TMEM71: variants seen among roughly 807,000 people sequenced by gnomAD.
The protein encoded by TMEM71 is transmembrane protein 71.
In TMEM71, 44 loss-of-function variants were observed where a neutral mutation model predicts 38.0. That is an observed-to-expected ratio of 1.16 (90% CI 0.91 to 1.49). The LOEUF (loss-of-function observed/expected upper bound fraction) is 1.49. Among genes scored for constraint, TMEM71 ranks in the 40% most tolerant of loss-of-function variants. The pLI is 0.00. For synonymous variants in TMEM71, 133 were observed against 122.5 expected, an observed-to-expected ratio of 1.09 and a Z score of -0.56; for missense variants, 367 against 348.6, an observed-to-expected ratio of 1.05 and a Z score of -0.42.
chr8:132,719,929 G>C (rs140708445), intron 7 of TMEM71, among the ~76,000 whole-genome samples: 1 of 152,074 alleles, frequency 6.6e-6, no homozygotes, highest in Non-Finnish European at 1.5e-5. Context: ...TAGTCATTGC[G>C]TCTGCTAGGC....
intron 5 of TMEM71, 58 bp from the exon 6 acceptor site, chr8:132,728,044 G>T: frequency 8.4e-7 from 1 of 1,186,802 alleles, no homozygotes; most frequent in Non-Finnish European, 1.2e-6. Flanking sequence ...GTGTGTGTGT[G>T]TGTGTTCAGT....
intron 6 of TMEM71, among the ~76,000 whole-genome samples, chr8:132,726,854 CTT>C (rs138185825): frequency 1.7e-4 from 24 of 139,898 alleles, no homozygotes; most frequent in Admixed American, 1.4e-4. Context: ...TCTTCTTCTT[CTT>C]TTTTTTTTTT....
At chr8:132,715,357 C>T (rs1368776942) in intron 7 of TMEM71, among the ~76,000 whole-genome samples, 2 of 138,730 alleles carry the variant, frequency 1.4e-5, no homozygotes, top group Non-Finnish European at 1.5e-5. Flanking sequence ...TTGCAGTGAG[C>T]CGAGGTCACG....
the TMEM71 span, among the ~76,000 whole-genome samples, chr8:132,774,536 C>T: frequency 6.6e-6 from 1 of 152,222 alleles, no homozygotes; most frequent in Non-Finnish European, 1.5e-5. Context: ...TTTAACTCCA[C>T]ACTATGAAGC....
chr8:132,726,022 CT>C (rs1374739670), intron 6 of TMEM71, among the ~76,000 whole-genome samples: 2 of 152,166 alleles, frequency 1.3e-5, no homozygotes, highest in Non-Finnish European at 2.9e-5. Context: ...ATCTCTGTGC[CT>C]ATGTGGGCAT....
intron 5 of TMEM71, among the ~76,000 whole-genome samples, chr8:132,736,669 A>C (rs1827765178): frequency 6.6e-6 from 1 of 152,126 alleles, no homozygotes; most frequent in African/African-American, 2.4e-5. Context: ...ATCTCAACTG[A>C]AAATGCAAAA....
intron 5 of TMEM71, among the ~76,000 whole-genome samples, chr8:132,739,786 G>C (rs562582084): frequency 3.3e-5 from 5 of 152,182 alleles, no homozygotes; most frequent in Non-Finnish European, 7.3e-5. Flanking sequence ...GACAAAATGT[G>C]AAGTGCTCAG....
At chr8:132,766,548 C>T in the TMEM71 span, among the ~76,000 whole-genome samples, 1 of 152,014 alleles carries the variant, frequency 6.6e-6, no homozygotes, top group Non-Finnish European at 1.5e-5. Flanking sequence ...GCCTACAATC[C>T]CAGCATCTTG....
At chr8:132,726,508 T>C (rs868173658) in intron 6 of TMEM71, among the ~76,000 whole-genome samples, 5 of 152,212 alleles carry the variant, frequency 3.3e-5, no homozygotes. Flanking sequence ...ATGAGTTATT[T>C]TAGTCATGAC....
chr8:132,739,705 C>T (rs1827938482), intron 5 of TMEM71, among the ~76,000 whole-genome samples: 1 of 152,078 alleles, frequency 6.6e-6, no homozygotes, highest in Non-Finnish European at 1.5e-5. Flanking sequence ...GATAATATGA[C>T]CTACTTCTTA....
chr8:132,723,093 G>T (rs1166045590), intron 6 of TMEM71, among the ~76,000 whole-genome samples: 1 of 152,192 alleles, frequency 6.6e-6, no homozygotes, highest in Non-Finnish European at 1.5e-5. Context: ...GATTGAGTCA[G>T]CTAACAAAAC....
At chr8:132,707,039 C>T (rs993212339), downstream of TMEM71, among the ~76,000 whole-genome samples, 4 of 152,222 alleles carry the variant, frequency 2.6e-5, no homozygotes, top group South Asian at 4.1e-4. Flanking sequence ...TTACCACAGA[C>T]ATGCGATCAG....
At chr8:132,739,462 C>T (rs1827924144) in intron 5 of TMEM71, among the ~76,000 whole-genome samples, 2 of 152,276 alleles carry the variant, frequency 1.3e-5, no homozygotes, top group East Asian at 3.9e-4. Flanking sequence ...CAGGTGCCCG[C>T]CACCATGCCC....
chr8:132,734,357 A>T (rs1445157103), intron 5 of TMEM71, among the ~76,000 whole-genome samples: 2 of 152,316 alleles, frequency 1.3e-5, no homozygotes, highest in Admixed American at 6.5e-5. Flanking sequence ...AGCTGTTAAA[A>T]AAAAGAGGAG....
In TMEM71 at chr8:132,757,225, A is replaced by G. The variant is rs1829074303; in HGVS notation, c.101+9T>C. 2.5e-6 allele frequency: 4 copies of G among 1,603,858 alleles called. No homozygotes were observed. Among genetic ancestry groups the G allele is most frequent in the East Asian group, 2.2e-5 (1 of 44,600 alleles). ...TGATTATTTTTTTAAAAGAAGCCCCATAGTATACCTTGGGAAAATGCACGT... is the reference window on the plus strand; with the variant it reads ...TGATTATTTTTTTAAAAGAAGCCCCGTAGTATACCTTGGGAAAATGCACGT... On this transcript the variant is annotated intron_variant, in intron 3 of 9. Coordinates refer to ENST00000677595, the MANE Select transcript of TMEM71 (RefSeq NM_001382403.1).
At chr8:132,744,047 A>T (rs1828200030) in intron 5 of TMEM71, among the ~76,000 whole-genome samples, 1 of 152,132 alleles carries the variant, frequency 6.6e-6, no homozygotes, top group African/African-American at 2.4e-5. Flanking sequence ...CACCTACCAC[A>T]ATCATTATGT....
chr8:132,707,275 G>A (rs922907789), downstream of TMEM71, among the ~76,000 whole-genome samples: 2 of 152,136 alleles, frequency 1.3e-5, no homozygotes, highest in African/African-American at 4.8e-5. Flanking sequence ...CAGCCATAGT[G>A]GTTATTCTGA....
chr8:132,722,087 A>C lies in TMEM71; in HGVS notation c.705T>G (p.Phe235Leu). The C allele has an allele frequency of 6.2e-7, 1 of 1,614,068 alleles. No homozygotes were observed. Among genetic ancestry groups the C allele is most frequent in the South Asian group, 1.1e-5 (1 of 91,072 alleles). The change falls in exon 7 of 10, where the codon TTT becomes TTG. Residue 235 changes from phenylalanine (F) to leucine (L), a missense_variant. Physicochemically the swap from Phe to Leu is conservative, Grantham distance 22. Transcript: ENST00000677595. ...AGCACACAGCAAGCAGGATTGCCTG[A>C]AAGAAGACCTCTTGCAACAACCTGG... ...SETRLLQEVF[F>L]QAILLAVCLI...
intron 5 of TMEM71, among the ~76,000 whole-genome samples, chr8:132,729,289 A>G (rs1827321999): frequency 6.6e-6 from 1 of 152,242 alleles, no homozygotes; most frequent in Admixed American, 6.5e-5. Context: ...CCTTTCAACC[A>G]CAGGGATAGT....
Sources: gnomAD v4.1 joint callset for allele counts (sites outside exome capture counted in the v4.1 genomes callset) on GRCh38, gnomAD v4.1.1 for gene constraint, MANE v1.5 for transcripts, NCBI Gene and HGNC (gene_info 2026-07-23, HGNC 2026-07-21) for gene names.